Variants in SERPINA5 observed in about 807,000 individuals in gnomAD.
The protein encoded by SERPINA5 is plasma serine protease inhibitor.
SERPINA5 carries 25 observed loss-of-function variants against 25.3 expected under a neutral mutation model. That is an observed-to-expected ratio of 0.99 (90% CI 0.72 to 1.38). The LOEUF is 1.38. Ranked by LOEUF, SERPINA5 falls within the 40% of genes most tolerant of loss-of-function variation. The probability of loss-of-function intolerance (pLI) is 0.00; values close to 1 mark genes in which losing one functional copy is unlikely to be tolerated. For synonymous variants in SERPINA5, 234 were observed against 206.2 expected (o/e 1.14, Z -1.16); for missense variants, 599 against 509.5 (o/e 1.18, Z -1.69).
Position 94,587,862 on chromosome 14 carries a change from G to A in SERPINA5, c.500G>A (p.Gly167Glu), listed in dbSNP as rs749805412. 1.1e-5 allele frequency: 18 copies of A among 1,613,896 alleles called. No homozygotes were observed. In the African/African-American group the frequency reaches 2.4e-4, roughly 22 times the overall value. Residue 167 changes from glycine (G) to glutamate (E), a missense_variant, in exon 3 of 6, where the codon GGG becomes GAG. Coordinates refer to ENST00000329597, the MANE Select transcript of SERPINA5 (RefSeq NM_000624.6). Reference sequence around the variant, plus strand: ...CCTACCAACTTTAGGGACTCTGCAGGGGCCATGAAGCAGATCAATGATTAT... The same window carrying A: ...CCTACCAACTTTAGGGACTCTGCAGAGGCCATGAAGCAGATCAATGATTAT... ...TFPTNFRDSA[G>E]AMKQINDYVA...
At position 94,590,062 on chromosome 14, in the gene SERPINA5, A is replaced by T. The variant is rs1885226159; in HGVS notation, c.641A>T (p.Asn214Ile). The change falls in exon 4 of 6, where the codon AAC becomes ATC. Residue 214 changes from asparagine to isoleucine, a missense_variant. Asn to Ile is a moderately radical substitution (Grantham distance 149, BLOSUM62 -3). Transcript: ENST00000329597. ...FFKAKWETSF[N>I]HKGTQEQDFY... ...TTAGCTAAGTGGGAGACAAGCTTCA[A>T]CCACAAAGGCACCCAAGAGCAAGAC... is the stretch of plus-strand genomic sequence containing the variant. 6.3e-7 allele frequency: 1 copy of T among 1,588,516 alleles called. No individual in the cohort carries two copies. Among genetic ancestry groups the T allele is most frequent in the African/African-American group, 1.3e-5 (1 of 74,390 alleles).
chr14:94,591,029 CTA>C, intron 5 of SERPINA5, 133 bp downstream of exon 5: 1 of 732,096 alleles, frequency 1.4e-6, no homozygotes, highest in East Asian at 3.0e-5. Flanking sequence ...CCAGTTCACT[CTA>C]TTCAATTCCA....
Position 94,587,686 on chromosome 14 carries a change from C to T in SERPINA5, c.324C>T (p.His108=). 4 of 1,614,156 alleles carry T rather than the reference C, an allele frequency of 2.5e-6. No individual in the cohort carries two copies. Among genetic ancestry groups the T allele is most frequent in the Non-Finnish European group, 3.4e-6 (4 of 1,180,012 alleles). Residue 108 remains histidine (H), a synonymous_variant, in exon 3 of 6, where the codon CAC becomes CAT. Transcript: ENST00000329597. ...NLQKSSEKEL[H]RGFQQLLQEL... is the part of the protein sequence containing the mutation. ...AGAAAAGCTCAGAGAAGGAGCTGCA[C>T]AGAGGCTTTCAGCAGCTCCTTCAGG...
chr14:94,583,349 G>A (rs528595652), intron 2 of SERPINA5, among the ~76,000 whole-genome samples: 2 of 152,294 alleles, frequency 1.3e-5, no homozygotes, highest in Admixed American at 6.5e-5. Context: ...AGGGAAAGGC[G>A]GCAGCTTTAA....
intron 3 of SERPINA5, among the ~76,000 whole-genome samples, chr14:94,588,247 G>A (rs1249499709): frequency 1.3e-5 from 2 of 152,146 alleles, no homozygotes; most frequent in African/African-American, 2.4e-5. Flanking sequence ...GACATCTGAA[G>A]CCCCAGCTTT....
At chr14:94,584,500 A>G (rs2139923155) in intron 2 of SERPINA5, among the ~76,000 whole-genome samples, 2 of 152,260 alleles carry the variant, frequency 1.3e-5, no homozygotes, top group Non-Finnish European at 1.5e-5. Flanking sequence ...GGGGAGACTC[A>G]GTGCACACCC....
At chr14:94,581,833 G>A (rs1366038604) in intron 2 of SERPINA5, 123 bp downstream of exon 2, 1 of 152,544 alleles carries the variant, frequency 6.6e-6, no homozygotes, top group Non-Finnish European at 1.5e-5. Flanking sequence ...TGGAAGGGGG[G>A]TGGGGGTTAG....
chr14:94,589,960 C>G, intron 3 of SERPINA5, 81 bp from the exon 4 acceptor site: 5 of 1,375,976 alleles, frequency 3.6e-6, no homozygotes, highest in South Asian at 1.5e-5. Context: ...TCTTTACTGT[C>G]TTCACTCCTT....
In SERPINA5 at chr14:94,587,783, C is replaced by A; in HGVS notation, c.421C>A (p.Leu141Met). The stretch of plus-strand genomic sequence containing the variant: ...CCTTTTCACCGACCTGGTGGTAGAC[C>A]TGCAGGACACCTTCGTAAGTGCCAT... ...NALFTDLVVD[L>M]QDTFVSAMKT... Residue 141 changes from leucine (L) to methionine (M), a missense_variant, in exon 3 of 6, where the codon CTG (leucine) becomes ATG (methionine). Leu to Met is a conservative substitution (Grantham distance 15, BLOSUM62 2). Transcript: ENST00000329597. 6 of 1,614,204 alleles carry A rather than the reference C, an allele frequency of 3.7e-6. No individual in the cohort carries two copies. Among genetic ancestry groups the A allele is most frequent in the Non-Finnish European group, 5.1e-6 (6 of 1,180,032 alleles).
intron 2 of SERPINA5, 129 bp from the exon 3 acceptor site, chr14:94,587,217 G>A: frequency 9.7e-6 from 8 of 828,848 alleles, no homozygotes; most frequent in South Asian, 1.7e-5. Context: ...AGTCTTGCGG[G>A]TGCCATCCCT....
Position 94,586,647 on chromosome 14 carries a change from A to G in SERPINA5, c.-17-699A>G, listed in dbSNP as rs1885094900. 3.3e-5 allele frequency among the ~76,000 whole-genome samples: 5 copies of G among 152,304 alleles called. 2 individuals carry two copies. The South Asian group carries it at 1.0e-3, about 32-fold the overall frequency. On this transcript the variant is annotated intron_variant, in intron 2 of 5. Transcript: ENST00000329597. ...TCAGCATATGCATTTTGGGGGCACA[A>G]TTCAGCCAGAACAGGAGGACGGTGG...
intron 3 of SERPINA5, among the ~76,000 whole-genome samples, chr14:94,589,111 A>G (rs1885190837): frequency 6.6e-6 from 1 of 152,220 alleles, no homozygotes; most frequent in South Asian, 2.1e-4. Flanking sequence ...GAAATAAGCT[A>G]AGGACGGTAT....
At chr14:94,587,076 G>A (rs766813960) in intron 2 of SERPINA5, 7 of 409,184 alleles carry the variant, frequency 1.7e-5, no homozygotes, top group Non-Finnish European at 2.2e-5. Flanking sequence ...GATGTGGATG[G>A]GTAGACAGGA....
chr14:94,589,294 A>G (rs1885198270), intron 3 of SERPINA5, among the ~76,000 whole-genome samples: 1 of 151,976 alleles, frequency 6.6e-6, no homozygotes, highest in African/African-American at 2.4e-5. Flanking sequence ...TAAAAAATAC[A>G]GAAATTAGCC....
At chr14:94,583,547 C>T (rs1884981899) in intron 2 of SERPINA5, among the ~76,000 whole-genome samples, 1 of 152,222 alleles carries the variant, frequency 6.6e-6, no homozygotes, top group African/African-American at 2.4e-5. Flanking sequence ...AGATATTGGA[C>T]AGACCGTCCT....
intron 2 of SERPINA5, among the ~76,000 whole-genome samples, chr14:94,583,580 G>A (rs902745507): frequency 1.3e-5 from 2 of 152,184 alleles, no homozygotes; most frequent in African/African-American, 4.8e-5. Flanking sequence ...TCCCACAGCT[G>A]AGTCCAGGGT....
In SERPINA5 at chr14:94,590,756, G is replaced by C. The variant is rs757910699; in HGVS notation, c.898G>C (p.Glu300Gln). ...CTCCTTTTCCCTTTCCAGGCAGCTC[G>C]AGCTTTACCTTCCCAAATTCTCCAT... ...WLKMFKKRQL[E>Q]LYLPKFSIEG... Residue 300 changes from glutamate to glutamine, a missense_variant, in exon 5 of 6, where the codon GAG becomes CAG. By Grantham distance (29) the Glu-to-Gln change is conservative. Transcript: ENST00000329597. 6.2e-7 allele frequency: 1 copy of C among 1,613,684 alleles called. No individual in the cohort carries two copies.
At position 94,592,198 on chromosome 14, in the gene SERPINA5, G is replaced by A. The variant is rs1334615052; in HGVS notation, c.1180G>A (p.Asp394Asn). ...CAGGCCCTTTCTGATGTTCATTGTGGATAACAACATCCTCTTCCTTGGCAA... is the reference window on the plus strand; with the variant it reads ...CAGGCCCTTTCTGATGTTCATTGTGAATAACAACATCCTCTTCCTTGGCAA... Reference protein sequence around the residue: ...FNRPFLMFIVDNNILFLGKVN... With the variant: ...FNRPFLMFIVNNNILFLGKVN... Residue 394 changes from aspartate to asparagine, a missense_variant, in exon 6 of 6, where the codon GAT (aspartate) becomes AAT (asparagine). Asp to Asn is a conservative substitution (Grantham distance 23). Coordinates refer to ENST00000329597, the MANE Select transcript of SERPINA5 (RefSeq NM_000624.6). The A allele has an allele frequency of 4.3e-6, 7 of 1,614,016 alleles. No homozygotes were observed. In the African/African-American group the frequency reaches 9.3e-5, roughly 22 times the overall value.
At chr14:94,582,734 A>G (rs1884953081) in intron 2 of SERPINA5, among the ~76,000 whole-genome samples, 1 of 152,248 alleles carries the variant, frequency 6.6e-6, no homozygotes, top group Non-Finnish European at 1.5e-5. Context: ...AGAGCAGCAC[A>G]AATGAGGGTC....
Sources: gnomAD v4.1 joint callset for allele counts (sites outside exome capture counted in the v4.1 genomes callset) on GRCh38, gnomAD v4.1.1 for gene constraint, MANE v1.5 for transcripts, NCBI Gene and HGNC (gene_info 2026-07-23, HGNC 2026-07-21) for gene names.